The following CCNE2 variants were observed in gnomAD, a reference collection of about 807,000 sequenced individuals.
The protein encoded by CCNE2 is G1/S-specific cyclin-E2.
Under a neutral mutation model 56.8 loss-of-function variants are expected in CCNE2, and 18 were observed. The observed-to-expected ratio is 0.32, with a 90% CI of 0.22 to 0.47. The LOEUF (loss-of-function observed/expected upper bound fraction) is 0.47, where lower values mean the gene tolerates loss of function less well. Ranked by LOEUF, CCNE2 falls within the 20% of genes least tolerant of loss-of-function variation. The pLI is 1.00. For synonymous variants in CCNE2, 139 were observed against 149.2 expected (o/e 0.93, Z 0.50); for missense variants, 371 against 467.1 (o/e 0.79, Z 1.90).
chr8:94,882,334 C>G, intron 10 of CCNE2, 45 bp from the exon 11 acceptor site: 2 of 1,454,342 alleles, frequency 1.4e-6, no homozygotes, highest in Non-Finnish European at 1.9e-6. Context: ...GGTTGTACAT[C>G]AGAAACTATC....
chr8:94,885,598 G>A (rs750229108), intron 7 of CCNE2, 40 bp from the exon 8 acceptor site: 1 of 1,224,276 alleles, frequency 8.2e-7, no homozygotes, highest in Admixed American at 1.9e-5. Flanking sequence ...AATTGAGATA[G>A]AAATTAATTA....
In CCNE2 at chr8:94,880,508, A is replaced by AT. The variant is rs144325537; in HGVS notation, c.*1123dup. The AT allele has an allele frequency of 4.1e-3, 1,159 of 283,388 alleles. No individual in the cohort carries two copies. Among genetic ancestry groups the AT allele is most frequent in the East Asian group, 5.3e-3 (87 of 16,514 alleles). The allele number at this position is 283,388 out of a possible 1,614,324, so 17.6% of individuals were successfully genotyped here. On this transcript the variant is annotated 3_prime_UTR_variant, in exon 12 of 12. Transcript: ENST00000308108. Reference sequence around the variant, plus strand: ...TTTCTAATCTACTTTATGAGGCTGGATTTTTTTTTTAGAAAAGCTAATTTA... The same window carrying AT: ...TTTCTAATCTACTTTATGAGGCTGGATTTTTTTTTTTAGAAAAGCTAATTTA...
intron 4 of CCNE2, chr8:94,893,517 C>T (rs1469354065): frequency 1.5e-5 from 3 of 198,892 alleles, no homozygotes; most frequent in East Asian, 2.6e-4. Context: ...CAAAGGGCTG[C>T]GTGCCAGGCT....
At chr8:94,883,091 C>T (rs900719359) in intron 9 of CCNE2, among the ~76,000 whole-genome samples, 199 bp from the exon 10 acceptor site, 4 of 152,028 alleles carry the variant, frequency 2.6e-5, no homozygotes, top group South Asian at 2.1e-4. Context: ...CTGGCTAACA[C>T]GGTGAAACCC....
chr8:94,891,761 G>A lies in CCNE2; in HGVS notation c.317+1057C>T, dbSNP rs1038270631. The A allele has an allele frequency of 8.4e-6, 10 of 1,189,560 alleles. No homozygotes were observed. The African/African-American group carries it at 9.0e-5, about 11-fold the overall frequency. 73.7% of individuals were successfully genotyped at this position (1,189,560 alleles called of 1,614,324 possible). A position where few individuals can be genotyped will look rare whatever the true frequency, so the allele number is the denominator to read the frequency against. ...CATTACAATGGTGGAGTTGGTAGGT[G>A]TACCCAGGCCAAGCAGTGGGACTGG... On this transcript the variant is annotated intron_variant, in intron 5 of 11. Coordinates refer to ENST00000308108, the MANE Select transcript of CCNE2 (RefSeq NM_057749.3).
At chr8:94,884,067 T>A (rs1173801740) in intron 9 of CCNE2, 1 of 304,266 alleles carries the variant, frequency 3.3e-6, no homozygotes, top group African/African-American at 2.2e-5. Context: ...ATGAAAAAAT[T>A]AAGCTTTTAA....
At chr8:94,885,313 A>G (rs552086679) in intron 8 of CCNE2, 112 bp from the exon 9 acceptor site, 1 of 1,156,450 alleles carries the variant, frequency 8.6e-7, no homozygotes, top group South Asian at 1.4e-5. Flanking sequence ...ACCATTGTCA[A>G]TATTTTGATG....
At chr8:94,887,178 G>A (rs1817068753) in intron 7 of CCNE2, among the ~76,000 whole-genome samples, 1 of 152,096 alleles carries the variant, frequency 6.6e-6, no homozygotes, top group Non-Finnish European at 1.5e-5. Flanking sequence ...AAGAAAGGAG[G>A]TGCCTTCTAT....
chr8:94,882,145 T>C lies in CCNE2; in HGVS notation c.1088A>G (p.Tyr363Cys). ...DRHNIQTHTN[Y>C]LAMLEEVNYI... ...AAAAAAACATACCAGCATAGCCAAATAGTTTGTATGTGTCTGGATATTATG... is the reference window on the plus strand; with the variant it reads ...AAAAAAACATACCAGCATAGCCAAACAGTTTGTATGTGTCTGGATATTATG... The change falls in exon 11 of 12, where the codon TAT (tyrosine) becomes TGT (cysteine). Residue 363 changes from tyrosine (Y) to cysteine (C), a missense_variant. Transcript: ENST00000308108. The C allele has an allele frequency of 6.2e-7, 1 of 1,605,598 alleles. No homozygotes were observed. The highest frequency in any genetic ancestry group is 8.5e-7 in the Non-Finnish European group (1 of 1,177,308).
chr8:94,893,789 G>A, intron 4 of CCNE2, 102 bp downstream of exon 4: 1 of 1,222,804 alleles, frequency 8.2e-7, no homozygotes, highest in Non-Finnish European at 1.2e-6. Context: ...AAAAGTAAAA[G>A]TGTCAGAGGA....
At chr8:94,885,392 A>T in intron 8 of CCNE2, 71 bp downstream of exon 8, 1 of 1,117,518 alleles carries the variant, frequency 8.9e-7, no homozygotes, top group Non-Finnish European at 1.3e-6. Flanking sequence ...TTTGAGATTC[A>T]ATTATAACTA....
chr8:94,886,334 A>G (rs1042943423), intron 7 of CCNE2, among the ~76,000 whole-genome samples: 1 of 152,210 alleles, frequency 6.6e-6, no homozygotes, highest in Non-Finnish European at 1.5e-5. Flanking sequence ...CATTAATACA[A>G]CTAGAATATG....
At position 94,885,532 on chromosome 8, in the gene CCNE2, C is replaced by T. The variant is rs1817004011; in HGVS notation, c.627G>A (p.Glu209=). 6.2e-7 allele frequency: 1 copy of T among 1,607,024 alleles called. No individual in the cohort carries two copies. Among genetic ancestry groups the T allele is most frequent in the South Asian group, 1.1e-5 (1 of 90,256 alleles). ...AAGCACCATCAGTGACGTAAGCAAA[C>T]TCTTGGAGTTTAGGAGCATAGATTT... ...LEEIYAPKLQ[E]FAYVTDGACS... Residue 209 remains glutamate, a synonymous_variant, in exon 8 of 12, where the codon GAG becomes GAA. Coordinates refer to ENST00000308108, the MANE Select transcript of CCNE2 (RefSeq NM_057749.3).
At chr8:94,891,606 C>T (rs1025387661) in intron 5 of CCNE2, 10 of 392,794 alleles carry the variant, frequency 2.5e-5, no homozygotes, top group Non-Finnish European at 4.2e-5. Flanking sequence ...TGCAGTGAGC[C>T]GAGATCGTGC....
rs373702218 is a variant in CCNE2, at chr8:94,893,962, C to G, written c.112-18G>C. 9.9e-6 allele frequency: 16 copies of G among 1,613,286 alleles called. No individual in the cohort carries two copies. In the African/African-American group the frequency reaches 2.0e-4, roughly 20 times the overall value. ...TTGACATCCTGGAAAATAGAAAAGA[C>G]CATTGGTAAACTAAAGTCCCAGCAT... On this transcript the variant is annotated intron_variant, in intron 3 of 11. Coordinates refer to ENST00000308108, the MANE Select transcript of CCNE2 (RefSeq NM_057749.3).
At chr8:94,882,601 C>G (rs1308240427) in intron 10 of CCNE2, among the ~76,000 whole-genome samples, 180 bp downstream of exon 10, 1 of 152,156 alleles carries the variant, frequency 6.6e-6, no homozygotes, top group African/African-American at 2.4e-5. Context: ...TCCATTTGGT[C>G]TTTTTGTTGA....
chr8:94,886,561 CATG>C (rs1453325020), intron 7 of CCNE2, among the ~76,000 whole-genome samples: 1 of 150,820 alleles, frequency 6.6e-6, no homozygotes, highest in East Asian at 1.9e-4. Flanking sequence ...AATAGCCAGG[CATG>C]GTGGTGGATC....
intron 6 of CCNE2, 39 bp downstream of exon 6, chr8:94,890,376 C>T (rs1220906863): frequency 6.7e-7 from 1 of 1,488,340 alleles, no homozygotes; most frequent in Non-Finnish European, 9.0e-7. Context: ...ATGTTTCCAT[C>T]ATACAGAGAC....
chr8:94,882,848 C>A lies in CCNE2; in HGVS notation c.876G>T (p.Gln292His). The A allele has an allele frequency of 6.2e-7, 1 of 1,613,844 alleles. No individual in the cohort carries two copies. Among genetic ancestry groups the A allele is most frequent in the Non-Finnish European group, 8.5e-7 (1 of 1,179,874 alleles). The change falls in exon 10 of 12, where the codon CAG becomes CAT. Residue 292 changes from glutamine (Q) to histidine (H), a missense_variant. Transcript: ENST00000308108. ...AGGCAGCAGCAGTCAGTATTCTGTA[C>A]TGGAACTCTAATGAATCAATGGCTA... ...CILAIDSLEF[Q>H]YRILTAAALC...
Sources: gnomAD v4.1 joint callset for allele counts (sites outside exome capture counted in the v4.1 genomes callset) on GRCh38, gnomAD v4.1.1 for gene constraint, MANE v1.5 for transcripts, NCBI Gene and HGNC (gene_info 2026-07-23, HGNC 2026-07-21) for gene names.